The following FRK variants were observed in gnomAD, a reference collection of about 807,000 sequenced individuals.
The protein encoded by FRK is tyrosine-protein kinase FRK.
A neutral mutation model predicts 56.4 loss-of-function variants in FRK; 51 were observed. That is an observed-to-expected ratio of 0.90 (90% CI 0.72 to 1.14). The LOEUF is 1.14. Ranked by LOEUF, FRK falls within the 50% of genes most tolerant of loss-of-function variation. The probability of loss-of-function intolerance (pLI) is 0.00; values close to 1 mark genes in which losing one functional copy is unlikely to be tolerated. For synonymous variants in FRK, 245 were observed against 217.9 expected (o/e 1.12, Z -1.10); for missense variants, 570 against 601.4 (o/e 0.95, Z 0.55).
chr6:116,045,080 A>G (rs1342438238), intron 1 of FRK, among the ~76,000 whole-genome samples: 1 of 152,226 alleles, frequency 6.6e-6, no homozygotes, highest in Admixed American at 6.5e-5. Context: ...AGGAAATAAG[A>G]GAGGACACAA....
chr6:116,069,922 G>A, the FRK span, among the ~76,000 whole-genome samples: 1 of 152,068 alleles, frequency 6.6e-6, no homozygotes, highest in Non-Finnish European at 1.5e-5. Flanking sequence ...TGTCCATACT[G>A]CTGATCTTAG....
chr6:116,079,270 T>C, the FRK span, among the ~76,000 whole-genome samples: 1 of 152,192 alleles, frequency 6.6e-6, no homozygotes, highest in Non-Finnish European at 1.5e-5. Flanking sequence ...TGATGGATTA[T>C]AGTAATAGTT....
chr6:115,978,058 A>G (rs999129144), intron 2 of FRK, among the ~76,000 whole-genome samples: 1 of 152,216 alleles, frequency 6.6e-6, no homozygotes, highest in African/African-American at 2.4e-5. Flanking sequence ...AGAAATGCTC[A>G]GAGAAATAAC....
chr6:115,979,260 A>G (rs1257021056), intron 2 of FRK, among the ~76,000 whole-genome samples: 1 of 152,074 alleles, frequency 6.6e-6, no homozygotes, highest in Non-Finnish European at 1.5e-5. Flanking sequence ...GGAGATAGTG[A>G]TATTGATGAT....
At chr6:116,016,775 A>G (rs1775673307) in intron 1 of FRK, among the ~76,000 whole-genome samples, 1 of 152,104 alleles carries the variant, frequency 6.6e-6, no homozygotes, top group South Asian at 2.1e-4. Flanking sequence ...CTGTATACCC[A>G]GATACTCACT....
At chr6:116,000,257 T>G (rs2114685712) in intron 2 of FRK, among the ~76,000 whole-genome samples, 1 of 50,366 alleles carries the variant, frequency 2.0e-5, no homozygotes, top group African/African-American at 7.7e-5. Context: ...TTTTTTTTTT[T>G]TTTGAGACGG....
intron 1 of FRK, among the ~76,000 whole-genome samples, chr6:116,054,467 TA>T (rs980952111): frequency 1.4e-5 from 2 of 143,882 alleles, no homozygotes; most frequent in African/African-American, 5.1e-5. Context: ...ATATATAATA[TA>T]ATATATATAA....
chr6:116,039,058 T>C (rs1776608504), intron 1 of FRK: 1 of 761,580 alleles, frequency 1.3e-6, no homozygotes, highest in South Asian at 1.3e-5. Context: ...GGCATGTCTT[T>C]GGGGAGTCAG....
intron 2 of FRK, chr6:116,002,732 T>TGA (rs1775109921): frequency 2.2e-6 from 1 of 455,714 alleles, no homozygotes; most frequent in Middle Eastern, 3.3e-4. Context: ...CATGTGGTTC[T>TGA]GGAGTACCAC....
chr6:115,958,958 A>G (rs1773213583), intron 4 of FRK, among the ~76,000 whole-genome samples: 1 of 152,172 alleles, frequency 6.6e-6, no homozygotes, highest in Admixed American at 6.5e-5. Context: ...AAATCAGACT[A>G]TGCACAAGAA....
the FRK span, among the ~76,000 whole-genome samples, chr6:116,090,632 G>T: frequency 1.3e-5 from 2 of 152,202 alleles, no homozygotes; most frequent in African/African-American, 2.4e-5. Flanking sequence ...AATCACCAGG[G>T]ATGGTCTAGT....
At chr6:116,004,686 C>G (rs1324520896) in intron 1 of FRK, among the ~76,000 whole-genome samples, 1 of 152,020 alleles carries the variant, frequency 6.6e-6, no homozygotes, top group Non-Finnish European at 1.5e-5. Flanking sequence ...TTTACCATTC[C>G]AGAAATATAA....
In FRK at chr6:115,936,237, C is replaced by T. The variant is rs1256319792; in HGVS notation, c.*6177G>A. 6.5e-6 allele frequency: 1 copy of T among 154,348 alleles called. No individual in the cohort carries two copies. Among genetic ancestry groups the T allele is most frequent in the Non-Finnish European group, 1.4e-5 (1 of 69,710 alleles). 9.6% of individuals were successfully genotyped at this position (154,348 alleles called of 1,614,324 possible). On this transcript the variant is annotated 3_prime_UTR_variant, in exon 8 of 8. Coordinates refer to ENST00000606080, the MANE Select transcript of FRK (RefSeq NM_002031.3). ...GGACCTCCAGCAAACTCCAGCAGAC[C>T]TGCAGCAGAGGGCACTAACTCTTAG... is the stretch of plus-strand genomic sequence containing the variant.
intron 1 of FRK, among the ~76,000 whole-genome samples, chr6:116,055,770 T>C (rs1391226464): frequency 4.6e-5 from 7 of 152,194 alleles, no homozygotes; most frequent in Admixed American, 4.6e-4. Flanking sequence ...AAATTACTGA[T>C]TCACAAGTAA....
intron 1 of FRK, among the ~76,000 whole-genome samples, chr6:116,017,495 C>T (rs148553073): frequency 1.3e-5 from 2 of 152,288 alleles, no homozygotes; most frequent in Non-Finnish European, 2.9e-5. Context: ...TCTGAGCACA[C>T]TCTGGCTCAG....
intron 1 of FRK, among the ~76,000 whole-genome samples, chr6:116,020,944 T>C (rs1775853303): frequency 6.6e-6 from 1 of 152,144 alleles, no homozygotes; most frequent in Non-Finnish European, 1.5e-5. Flanking sequence ...TTCTAAACTG[T>C]GGTTGGTTTC....
rs2114496503 is a variant in FRK, at chr6:115,938,796, C to T, written c.*3618G>A. 2 of 152,246 alleles carry T rather than the reference C, an allele frequency of 1.3e-5. No individual in the cohort carries two copies. Among genetic ancestry groups the T allele is most frequent in the Middle Eastern group, 6.8e-3 (2 of 294 alleles). The allele number at this position is 152,246 out of a possible 1,614,324, so 9.4% of individuals were successfully genotyped here. A position where few individuals can be genotyped will look rare whatever the true frequency, so the allele number is the denominator to read the frequency against. ...GGAAGAAGATGAATCCCTAAATAGA[C>T]CAATAACAAGTTCTGAAATTGAGGC... is the stretch of plus-strand genomic sequence containing the variant. On this transcript the variant is annotated 3_prime_UTR_variant, in exon 8 of 8. Coordinates refer to ENST00000606080, the MANE Select transcript of FRK (RefSeq NM_002031.3).
the FRK span, among the ~76,000 whole-genome samples, chr6:116,089,943 G>A: frequency 2.6e-5 from 4 of 152,106 alleles, no homozygotes; most frequent in Non-Finnish European, 5.9e-5. Flanking sequence ...AAAGGATATT[G>A]AGTCCCTGTC....
At chr6:116,084,357 T>C in the FRK span, among the ~76,000 whole-genome samples, 53 of 152,328 alleles carry the variant, frequency 3.5e-4, no homozygotes, top group African/African-American at 4.8e-4. Flanking sequence ...GGTAGTCATA[T>C]TGATCTGGAC....
Sources: gnomAD v4.1 joint callset for allele counts (sites outside exome capture counted in the v4.1 genomes callset) on GRCh38, gnomAD v4.1.1 for gene constraint, MANE v1.5 for transcripts, NCBI Gene and HGNC (gene_info 2026-07-23, HGNC 2026-07-21) for gene names.